CA6: variants seen among roughly 807,000 people sequenced by gnomAD.
CA6 encodes carbonate dehydratase VI.
In CA6, 28 loss-of-function variants were observed where a neutral mutation model predicts 35.9. The observed-to-expected ratio is 0.78, with a 90% confidence interval of 0.58 to 1.07. The LOEUF (loss-of-function observed/expected upper bound fraction) is 1.07, where lower values mean the gene tolerates loss of function less well. Ranked by LOEUF, CA6 falls within the 50% of genes least tolerant of loss-of-function variation. The pLI, the probability that CA6 is intolerant of heterozygous loss-of-function variation, is 0.00. For synonymous variants in CA6, 148 were observed against 152.6 expected (o/e 0.97, Z 0.22); for missense variants, 377 against 382.0 (o/e 0.99, Z 0.11).
At chr1:8,961,368 A>C (rs1327757392) in intron 4 of CA6, among the ~76,000 whole-genome samples, 1 of 152,238 alleles carries the variant, frequency 6.6e-6, no homozygotes, top group African/African-American at 2.4e-5. Flanking sequence ...AGCAATGACT[A>C]TACCACTGAC....
At chr1:8,960,773 CACACACACACACACACAT>C (rs1385682400) in intron 4 of CA6, among the ~76,000 whole-genome samples, 1 of 141,386 alleles carries the variant, frequency 7.1e-6, no homozygotes, top group African/African-American at 2.7e-5. Context: ...CACACACACA[CACACACACACACACACAT>C]ATATATAATG....
At chr1:8,947,403 G>A (rs373057364) in intron 1 of CA6, among the ~76,000 whole-genome samples, 2 of 152,178 alleles carry the variant, frequency 1.3e-5, no homozygotes, top group African/African-American at 2.4e-5. Context: ...CAGGGTGAAC[G>A]GGATGATCTG....
intron 2 of CA6, among the ~76,000 whole-genome samples, chr1:8,950,761 G>C (rs1364299771): frequency 6.6e-6 from 1 of 151,574 alleles, no homozygotes; most frequent in Non-Finnish European, 1.5e-5. Flanking sequence ...CCAGCTACTC[G>C]GGAGGCTGAG....
At chr1:8,964,540 C>T (rs1394543533) in intron 5 of CA6, among the ~76,000 whole-genome samples, 1 of 145,500 alleles carries the variant, frequency 6.9e-6, no homozygotes, top group Non-Finnish European at 1.5e-5. Flanking sequence ...GCCACCGTGC[C>T]CGGTCTGCAT....
intron 7 of CA6, 69 bp from the exon 8 acceptor site, chr1:8,974,553 T>C: frequency 7.1e-7 from 1 of 1,411,044 alleles, no homozygotes; most frequent in Non-Finnish European, 9.9e-7. Flanking sequence ...TGTCTGGCCG[T>C]CCCCCTTCTC....
chr1:8,972,963 G>C (rs747474650), intron 7 of CA6, among the ~76,000 whole-genome samples: 10 of 152,024 alleles, frequency 6.6e-5, no homozygotes, highest in Non-Finnish European at 1.5e-4. Flanking sequence ...AAGTGATGTC[G>C]TCTTTAACAG....
rs12061974 is a variant in CA6 at position 8,958,872 on chromosome 1, A to G, written c.409-38A>G. 0.02 allele frequency: 22,673 copies of G among 1,116,160 alleles called. 1,529 individuals carry two copies. The African/African-American group carries it at 0.21, about 10-fold the overall frequency. The allele number at this position is 1,116,160 out of a possible 1,614,324, so 69.1% of individuals were successfully genotyped here. A position where few individuals can be genotyped will look rare whatever the true frequency, so the allele number is the denominator to read the frequency against. On this transcript the variant is annotated intron_variant, in intron 3 of 7. Transcript: ENST00000377443. The stretch of plus-strand genomic sequence containing the variant: ...GGAAATCTTAAGCATTTGAATTTCT[A>G]TGAACTGCCCTTGACCCACTCTACC...
intron 2 of CA6, 29 bp downstream of exon 2, chr1:8,949,471 AG>A: frequency 1.3e-6 from 2 of 1,590,636 alleles, no homozygotes; most frequent in Non-Finnish European, 1.7e-6. Flanking sequence ...GAGGGGCTCC[AG>A]TCCATGGGCA....
intron 4 of CA6, among the ~76,000 whole-genome samples, chr1:8,960,411 C>T (rs1339321319): frequency 7.2e-6 from 1 of 138,484 alleles, no homozygotes; most frequent in Non-Finnish European, 1.6e-5. Context: ...AAAAAAAAAA[C>T]AACTATCATA....
rs190699244 is a variant in CA6 at position 8,951,587 on chromosome 1, C to T, written c.259+2145C>T. Reference sequence around the variant, plus strand: ...GGCAACGCTTGCTGAGTGCGGGCTTCGTGCTGAGGGCCCAGAAGAGGGAAG... The same window carrying T: ...GGCAACGCTTGCTGAGTGCGGGCTTTGTGCTGAGGGCCCAGAAGAGGGAAG... On this transcript the variant is annotated intron_variant, in intron 2 of 7. Transcript: ENST00000377443. 9.5e-4 allele frequency: 727 copies of T among 765,166 alleles called. 1 individual carries two copies. The highest frequency in any genetic ancestry group is 1.7e-3 in the Admixed American group (101 of 59,022). 47.4% of individuals were successfully genotyped at this position (765,166 alleles called of 1,614,324 possible).
intron 5 of CA6, among the ~76,000 whole-genome samples, chr1:8,965,987 T>C (rs1467385830): frequency 2.0e-5 from 3 of 152,222 alleles, no homozygotes; most frequent in African/African-American, 7.2e-5. Context: ...TTCTACCTTT[T>C]GGCTATTGTG....
intron 6 of CA6, among the ~76,000 whole-genome samples, chr1:8,969,863 A>G (rs970557328): frequency 6.6e-6 from 1 of 152,196 alleles, no homozygotes; most frequent in Non-Finnish European, 1.5e-5. Flanking sequence ...AAAAATAGCC[A>G]ATATAGAATT....
At chr1:8,948,398 T>C (rs1157208401) in intron 1 of CA6, among the ~76,000 whole-genome samples, 1 of 152,132 alleles carries the variant, frequency 6.6e-6, no homozygotes, top group Non-Finnish European at 1.5e-5. Context: ...AACCTGATGC[T>C]TCCTTAGTTT....
chr1:8,956,603 T>A (rs898777384), intron 2 of CA6, among the ~76,000 whole-genome samples: 2 of 151,722 alleles, frequency 1.3e-5, no homozygotes, highest in Admixed American at 6.6e-5. Flanking sequence ...GAGGCTGCAG[T>A]GAGTTGCTGC....
At position 8,951,806 on chromosome 1, in the gene CA6, T is replaced by TTA. The variant is rs549529519; in HGVS notation, c.259+2374_259+2375dup. On this transcript the variant is annotated intron_variant, in intron 2 of 7. Coordinates refer to ENST00000377443, the MANE Select transcript of CA6 (RefSeq NM_001215.4). ...AGAGTGGACCCAAAGTTCACATTAA[T>TTA]TATATATATATTAAAAACAATTTTT... 1.3e-3 allele frequency: 578 copies of TTA among 434,126 alleles called. 4 individuals are homozygous for TTA. The highest frequency in any genetic ancestry group is 0.011 in the African/African-American group (511 of 47,334). 26.9% of individuals were successfully genotyped at this position (434,126 alleles called of 1,614,324 possible). A position where few individuals can be genotyped will look rare whatever the true frequency, so the allele number is the denominator to read the frequency against.
At chr1:8,970,130 C>G (rs1213271664) in intron 6 of CA6, among the ~76,000 whole-genome samples, 1 of 148,110 alleles carries the variant, frequency 6.8e-6, no homozygotes, top group African/African-American at 2.5e-5. Flanking sequence ...AACTTGAACC[C>G]GGGAGGTGGA....
At chr1:8,948,378 G>A (rs1410502718) in intron 1 of CA6, among the ~76,000 whole-genome samples, 1 of 152,162 alleles carries the variant, frequency 6.6e-6, no homozygotes, top group East Asian at 1.9e-4. Context: ...CTCATTCTAG[G>A]TTGTCCTGGA....
rs1376751887 is a variant in CA6 at position 8,962,638 on chromosome 1, G to T, written c.553G>T (p.Ala185Ser). The change falls in exon 5 of 8, where the codon GCC becomes TCC. Residue 185 changes from alanine to serine, a missense_variant. Physicochemically the swap from Ala to Ser is moderately conservative, Grantham distance 99. Coordinates refer to ENST00000377443, the MANE Select transcript of CA6 (RefSeq NM_001215.4). ...TYYSNFISHL[A>S]NIKYPGQRTT... ...TTACAGCAACTTCATTTCTCATCTGGCCAACATCAAGTACCCAGGTAAGGG... is the reference window on the plus strand; with the variant it reads ...TTACAGCAACTTCATTTCTCATCTGTCCAACATCAAGTACCCAGGTAAGGG... 8.1e-6 allele frequency: 13 copies of T among 1,613,746 alleles called. No homozygotes were observed. The highest frequency in any genetic ancestry group is 1.1e-5 in the Non-Finnish European group (13 of 1,179,704).
At chr1:8,973,769 T>TTTCC (rs1640186565) in intron 7 of CA6, among the ~76,000 whole-genome samples, 12 of 35,684 alleles carry the variant, frequency 3.4e-4, no homozygotes, top group African/African-American at 2.1e-3. Flanking sequence ...TCTTTCTTTC[T>TTTCC]TTCTTTCTTT....
Sources: allele counts gnomAD v4.1 joint callset (sites outside exome capture counted in the v4.1 genomes callset), GRCh38; gene constraint gnomAD v4.1.1; transcripts MANE v1.5; gene names NCBI Gene and HGNC (gene_info 2026-07-23, HGNC 2026-07-21).